The following ATP10B variants were observed in gnomAD, a reference collection of about 807,000 sequenced individuals.
ATP10B encodes the protein phospholipid-transporting ATPase VB.
In ATP10B, 122 loss-of-function variants were observed where a neutral mutation model predicts 141.2. The observed-to-expected ratio is 0.86, with a 90% CI of 0.75 to 1.00. ATP10B has a LOEUF of 1.00. Among genes scored for constraint, ATP10B ranks in the 50% least tolerant of loss-of-function variants. The pLI, the probability that ATP10B is intolerant of heterozygous loss-of-function variation, is 0.00. For synonymous variants in ATP10B, 685 were observed against 692.0 expected (o/e 0.99, Z 0.16); for missense variants, 1,876 against 1,825.3 (o/e 1.03, Z -0.51).
chr5:160,901,797 A>G, the ATP10B span, among the ~76,000 whole-genome samples: 5 of 152,240 alleles, frequency 3.3e-5, no homozygotes, highest in Non-Finnish European at 5.9e-5. Context: ...TACTTTTTAT[A>G]CAGTAGGACA....
At position 160,830,978 on chromosome 5, in the gene ATP10B, C is replaced by CAT. The variant is rs1275865854; in HGVS notation, c.-576+20962_-576+20963insAT. ...TCTCTCATACATACACAAACACACA[C>CAT]ACACACACACACACACACACAGAGT... On this transcript the variant is annotated intron_variant, in intron 1 of 25. Transcript: ENST00000327245. Among the ~76,000 whole-genome samples, 13 of 59,972 alleles carry CAT rather than the reference C, an allele frequency of 2.2e-4. No homozygotes were observed. In the East Asian group the frequency reaches 0.02, roughly 91 times the overall value. The allele number at this position is 59,972 out of a possible 152,430, so 39.3% of individuals were successfully genotyped here.
chr5:160,584,832 A>G (rs540589975), intron 24 of ATP10B, among the ~76,000 whole-genome samples: 1 of 152,250 alleles, frequency 6.6e-6, no homozygotes, highest in East Asian at 1.9e-4. Context: ...CTTACTCTTA[A>G]TAGTGTAGCT....
chr5:160,871,778 A>G, the ATP10B span, among the ~76,000 whole-genome samples: 1 of 152,140 alleles, frequency 6.6e-6, no homozygotes, highest in African/African-American at 2.4e-5. Context: ...ATTGATGGAC[A>G]TTTGGGTTGG....
At chr5:160,827,024 G>A (rs141172765) in intron 1 of ATP10B, among the ~76,000 whole-genome samples, 6 of 152,294 alleles carry the variant, frequency 3.9e-5, no homozygotes, top group East Asian at 1.9e-4. Context: ...TCAGAAGCAC[G>A]TGATCTTTGT....
Position 160,731,760 on chromosome 5 carries a change from C to T in ATP10B, c.-330-14726G>A, listed in dbSNP as rs543772682. The stretch of plus-strand genomic sequence containing the variant: ...GGTTACTCCAAGTTCTGTCGGCCCT[C>T]ATCTTTGCTTGACCCTGAATTGTCT... On this transcript the variant is annotated intron_variant, in intron 2 of 25. Transcript: ENST00000327245. 2.2e-4 allele frequency among the ~76,000 whole-genome samples: 34 copies of T among 152,310 alleles called. No individual in the cohort carries two copies. In the South Asian group the frequency reaches 7.1e-3, roughly 32 times the overall value.
intron 13 of ATP10B, among the ~76,000 whole-genome samples, chr5:160,628,518 C>T (rs977490155): frequency 6.6e-6 from 1 of 152,094 alleles, no homozygotes; most frequent in African/African-American, 2.4e-5. Flanking sequence ...GAAAGGCAGA[C>T]CAAGATTAGT....
At chr5:160,857,959 A>T in the ATP10B span, among the ~76,000 whole-genome samples, 2 of 151,988 alleles carry the variant, frequency 1.3e-5, no homozygotes, top group African/African-American at 4.8e-5. Flanking sequence ...TGGCACTTAA[A>T]GAGAATGAAT....
chr5:160,747,944 T>C (rs1767909922), intron 2 of ATP10B, among the ~76,000 whole-genome samples: 3 of 142,080 alleles, frequency 2.1e-5, no homozygotes, highest in Admixed American at 1.4e-4. Flanking sequence ...TTAGCCAGAC[T>C]GATGGCTCCC....
At chr5:160,861,290 A>AT in the ATP10B span, among the ~76,000 whole-genome samples, 1 of 151,840 alleles carries the variant, frequency 6.6e-6, no homozygotes, top group Non-Finnish European at 1.5e-5. Flanking sequence ...ACCTACCATA[A>AT]TTCTCTTTTC....
intron 2 of ATP10B, among the ~76,000 whole-genome samples, chr5:160,745,163 CTT>C (rs1396855319): frequency 6.6e-6 from 1 of 152,166 alleles, no homozygotes; most frequent in African/African-American, 2.4e-5. Context: ...ATTGTTATGC[CTT>C]AGTAAAACAT....
intron 3 of ATP10B, among the ~76,000 whole-genome samples, chr5:160,709,170 C>T (rs1030994120): frequency 1.3e-5 from 2 of 152,056 alleles, no homozygotes; most frequent in African/African-American, 4.8e-5. Flanking sequence ...AGGATTAAAA[C>T]AAAATACAAG....
At chr5:160,733,667 A>AACACATATATGTAACGT (rs1766900560) in intron 2 of ATP10B, among the ~76,000 whole-genome samples, 138 of 4,784 alleles carry the variant, frequency 0.029, no homozygotes, top group African/African-American at 0.14. Context: ...ATGTAACGTT[A>AACACATATATGTAACGT]TATATATATA....
the ATP10B span, among the ~76,000 whole-genome samples, chr5:160,918,009 T>C: frequency 6.6e-6 from 1 of 152,222 alleles, no homozygotes; most frequent in Non-Finnish European, 1.5e-5. Flanking sequence ...CACAGTCAGC[T>C]GAGGAACATC....
At chr5:160,685,127 C>G in intron 6 of ATP10B, 1 of 701,332 alleles carries the variant, frequency 1.4e-6, no homozygotes, top group Non-Finnish European at 2.6e-6. Context: ...TTGGGGTTCT[C>G]TTTGTGAGAC....
intron 21 of ATP10B, among the ~76,000 whole-genome samples, chr5:160,602,302 CCA>C (rs1757138413): frequency 1.3e-5 from 2 of 152,206 alleles, no homozygotes; most frequent in Admixed American, 1.3e-4. Context: ...GTGTCTGACT[CCA>C]GAGTCTACAC....
chr5:160,677,571 T>C (rs1382807175), intron 6 of ATP10B, among the ~76,000 whole-genome samples: 2 of 152,200 alleles, frequency 1.3e-5, no homozygotes, highest in Non-Finnish European at 2.9e-5. Context: ...TTTCATGCAG[T>C]TCCAAACTCG....
chr5:160,582,438 G>A (rs890411733), intron 24 of ATP10B, among the ~76,000 whole-genome samples: 5 of 152,130 alleles, frequency 3.3e-5, no homozygotes, highest in Non-Finnish European at 7.4e-5. Flanking sequence ...ATTCTGGGTT[G>A]AAAATTCTTT....
intron 8 of ATP10B, among the ~76,000 whole-genome samples, chr5:160,644,999 C>A (rs1017149128): frequency 2.0e-5 from 3 of 151,932 alleles, no homozygotes; most frequent in African/African-American, 7.3e-5. Flanking sequence ...TGCCTGTAAT[C>A]CCAGCTACTT....
chr5:160,916,886 C>G, the ATP10B span, among the ~76,000 whole-genome samples: 1 of 152,108 alleles, frequency 6.6e-6, no homozygotes, highest in Non-Finnish European at 1.5e-5. Context: ...ATTCTCTTTC[C>G]ATCTACAGTG....
Sources: gnomAD v4.1 joint callset for allele counts (sites outside exome capture counted in the v4.1 genomes callset) on GRCh38, gnomAD v4.1.1 for gene constraint, MANE v1.5 for transcripts, NCBI Gene and HGNC (gene_info 2026-07-23, HGNC 2026-07-21) for gene names.